The following WDR48 variants were observed in gnomAD, a reference collection of about 807,000 sequenced individuals.
WDR48 encodes the protein WD repeat-containing protein 48.
Under a neutral mutation model 94.0 loss-of-function variants are expected in WDR48, and 22 were observed. The observed-to-expected ratio is 0.23, with a 90% CI of 0.17 to 0.33. WDR48 has a LOEUF of 0.33. WDR48 is among the 10% of genes least tolerant of loss of function. The pLI, the probability that WDR48 is intolerant of heterozygous loss-of-function variation, is 1.00. For synonymous variants in WDR48, 278 were observed against 280.5 expected (o/e 0.99, Z 0.09); for missense variants, 541 against 813.8 (o/e 0.66, Z 4.08).
intron 15 of WDR48, among the ~76,000 whole-genome samples, 171 bp downstream of exon 15, chr3:39,088,404 TAG>T (rs1201754450): frequency 2.0e-5 from 3 of 152,368 alleles, no homozygotes; most frequent in Middle Eastern, 3.4e-3. Flanking sequence ...CTGCTGCTGT[TAG>T]ACCACATTCT....
intron 11 of WDR48, 81 bp from the exon 12 acceptor site, chr3:39,084,074 T>C (rs2034680370): frequency 2.0e-6 from 2 of 1,024,532 alleles, no homozygotes; most frequent in African/African-American, 1.6e-5. Context: ...TGTGAAAATA[T>C]GTAAAATTTT....
chr3:39,066,827 G>A lies in WDR48; in HGVS notation c.433G>A (p.Asp145Asn). The change falls in exon 5 of 19, where the codon GAT becomes AAT. Residue 145 changes from aspartate to asparagine, a missense_variant. Around this residue, in one of 5 missense-constraint regions of WDR48, gnomAD observed 104 missense variants for 189.7 expected, o/e 0.55. Coordinates refer to ENST00000302313, the MANE Select transcript of WDR48 (RefSeq NM_020839.4). ...GTTGGACAGACAAATATTCCTTTGG[G>A]ATGTGAATACTCTAACAGCATTGAC... Reference protein sequence around the residue: ...AGLDRQIFLWDVNTLTALTAS... With the variant: ...AGLDRQIFLWNVNTLTALTAS... 2 of 1,614,004 alleles carry A rather than the reference G, an allele frequency of 1.2e-6. No individual in the cohort carries two copies. The highest frequency in any genetic ancestry group is 1.7e-6 in the Non-Finnish European group (2 of 1,179,912).
At chr3:39,066,303 A>G (rs1213804829) in intron 3 of WDR48, among the ~76,000 whole-genome samples, 1 of 152,218 alleles carries the variant, frequency 6.6e-6, no homozygotes, top group East Asian at 1.9e-4. Flanking sequence ...TGAGCCTTCA[A>G]CTGGAACATT....
chr3:39,083,042 TG>T (rs1332702558), intron 11 of WDR48, among the ~76,000 whole-genome samples: 2 of 152,110 alleles, frequency 1.3e-5, no homozygotes, highest in Non-Finnish European at 2.9e-5. Context: ...ACTAATTGAG[TG>T]TTTCAAGAAG....
At chr3:39,078,061 T>C in intron 9 of WDR48, 76 bp from the exon 10 acceptor site, 1 of 1,129,898 alleles carries the variant, frequency 8.9e-7, no homozygotes, top group Non-Finnish European at 1.3e-6. Flanking sequence ...TTGACTTTAT[T>C]TTTCTTGCCA....
At chr3:39,085,662 A>AGAGGTACTTACTT (rs1273229977) in intron 14 of WDR48, 52 bp downstream of exon 14, 13 of 1,465,428 alleles carry the variant, frequency 8.9e-6, no homozygotes, top group Non-Finnish European at 1.2e-5. Flanking sequence ...TACTTACTTA[A>AGAGGTACTTACTT]AAGGTACTTA....
chr3:39,088,368 C>T (rs1412881285), intron 15 of WDR48, 135 bp downstream of exon 15: 1 of 818,786 alleles, frequency 1.2e-6, no homozygotes, highest in African/African-American at 1.7e-5. Context: ...TTGGAAGCAT[C>T]CCATGTCCAT....
chr3:39,089,411 A>G, intron 16 of WDR48, 93 bp downstream of exon 16: 1 of 1,216,788 alleles, frequency 8.2e-7, no homozygotes, highest in Non-Finnish European at 1.1e-6. Flanking sequence ...AAACCTTAAT[A>G]AAAGCTAGAC....
chr3:39,061,943 G>A (rs1020972279), intron 1 of WDR48, among the ~76,000 whole-genome samples: 2 of 152,080 alleles, frequency 1.3e-5, no homozygotes, highest in Non-Finnish European at 2.9e-5. Context: ...TGATGGGGTT[G>A]TTTTTGTTGT....
At chr3:39,065,997 G>A in intron 3 of WDR48, 108 bp downstream of exon 3, 1 of 711,422 alleles carries the variant, frequency 1.4e-6, no homozygotes. Context: ...CTTCGAGATT[G>A]CAGTTCAACA....
intron 1 of WDR48, among the ~76,000 whole-genome samples, chr3:39,057,498 A>G (rs975698941): frequency 6.6e-6 from 1 of 152,260 alleles, no homozygotes; most frequent in Non-Finnish European, 1.5e-5. Context: ...ACAAATGATC[A>G]AATTTTAAAA....
At chr3:39,068,006 G>C (rs1458727066) in intron 5 of WDR48, among the ~76,000 whole-genome samples, 4 of 151,920 alleles carry the variant, frequency 2.6e-5, no homozygotes, top group East Asian at 1.9e-4. Flanking sequence ...AAAAAAGCAG[G>C]TTGTCACAAG....
At chr3:39,067,988 GC>G (rs2033712325) in intron 5 of WDR48, among the ~76,000 whole-genome samples, 1 of 148,712 alleles carries the variant, frequency 6.7e-6, no homozygotes, top group East Asian at 2.0e-4. Flanking sequence ...AGGGAACAAA[GC>G]AAAAAAAAAA....
chr3:39,066,014 T>C, intron 3 of WDR48, 125 bp downstream of exon 3: 1 of 616,184 alleles, frequency 1.6e-6, no homozygotes. Flanking sequence ...AACACAATTT[T>C]AGAAAGTGAA....
chr3:39,073,677 C>G (rs1435183760), intron 7 of WDR48, among the ~76,000 whole-genome samples: 1 of 152,212 alleles, frequency 6.6e-6, no homozygotes, highest in Non-Finnish European at 1.5e-5. Context: ...CCTGAGCACA[C>G]TCACAGTGTG....
At position 39,069,615 on chromosome 3, in the gene WDR48, T is replaced by G. The variant is rs1473763154; in HGVS notation, c.571-28T>G. 4 of 1,544,334 alleles carry G rather than the reference T, an allele frequency of 2.6e-6. No homozygotes were observed. In the African/African-American group the frequency reaches 5.6e-5, roughly 21 times the overall value. ...TAAATTTGATACTGATATATTTAGTTTGTGTAATACTCTATTAAAATTCAC... is the reference window on the plus strand; with the variant it reads ...TAAATTTGATACTGATATATTTAGTGTGTGTAATACTCTATTAAAATTCAC... On this transcript the variant is annotated intron_variant, in intron 6 of 18. Coordinates refer to ENST00000302313, the MANE Select transcript of WDR48 (RefSeq NM_020839.4).
chr3:39,089,984 T>G (rs762754128), intron 16 of WDR48: 1 of 152,218 alleles, frequency 6.6e-6, no homozygotes, highest in Non-Finnish European at 1.5e-5. Flanking sequence ...TATCTTTGTG[T>G]GCTTTTTAGG....
At chr3:39,078,039 CTTGT>C (rs1327232467) in intron 9 of WDR48, 94 bp from the exon 10 acceptor site, 1 of 868,666 alleles carries the variant, frequency 1.2e-6, no homozygotes, top group Non-Finnish European at 1.8e-6. Context: ...TTGAGGTTTT[CTTGT>C]TTGTTTTTTG....
At chr3:39,085,034 T>C (rs1380636106) in intron 13 of WDR48, among the ~76,000 whole-genome samples, 1 of 152,174 alleles carries the variant, frequency 6.6e-6, no homozygotes, top group East Asian at 1.9e-4. Flanking sequence ...GAGACCATCC[T>C]GGCTAACACG....
Sources: allele counts gnomAD v4.1 joint callset (sites outside exome capture counted in the v4.1 genomes callset), GRCh38; gene constraint gnomAD v4.1.1; regional missense constraint gnomAD v4.1.1; transcripts MANE v1.5; gene names NCBI Gene and HGNC (gene_info 2026-07-23, HGNC 2026-07-21).